Variants in THEMIS observed in about 807,000 individuals in gnomAD.
THEMIS encodes thymocyte selection associated.
Under a neutral mutation model 52.6 loss-of-function variants are expected in THEMIS, and 37 were observed. The observed-to-expected ratio is 0.70, with a 90% CI of 0.54 to 0.93. The LOEUF is 0.93. THEMIS is among the 40% of genes least tolerant of loss of function. THEMIS has a pLI of 0.00. For synonymous variants in THEMIS, 292 were observed against 272.7 expected (o/e 1.07, Z -0.70); for missense variants, 808 against 763.1 (o/e 1.06, Z -0.69).
the THEMIS span, among the ~76,000 whole-genome samples, chr6:127,700,564 G>A: frequency 2.0e-5 from 3 of 151,892 alleles, no homozygotes; most frequent in Non-Finnish European, 4.4e-5. Flanking sequence ...ACATTTTAAG[G>A]AACATGCTGA....
chr6:127,785,183 CCTAAT>C (rs1178917894), intron 4 of THEMIS, among the ~76,000 whole-genome samples: 1 of 151,372 alleles, frequency 6.6e-6, no homozygotes, highest in African/African-American at 2.4e-5. Context: ...TGTCTACCTA[CCTAAT>C]CTATTATCTA....
At chr6:127,748,762 G>C (rs1339053538) in intron 4 of THEMIS, among the ~76,000 whole-genome samples, 1 of 151,946 alleles carries the variant, frequency 6.6e-6, no homozygotes, top group South Asian at 2.1e-4. Flanking sequence ...ACAAAACCTT[G>C]AGAAAGTCAC....
upstream of THEMIS, chr6:127,901,077 T>C: frequency 3.0e-6 from 2 of 670,860 alleles, no homozygotes; most frequent in Admixed American, 4.8e-5. Flanking sequence ...TGGGGTGGAG[T>C]AGCTCTATGT....
At chr6:127,895,611 C>A (rs985727047) in intron 1 of THEMIS, among the ~76,000 whole-genome samples, 1 of 151,330 alleles carries the variant, frequency 6.6e-6, no homozygotes, top group African/African-American at 2.4e-5. Flanking sequence ...TATAGAGACA[C>A]TTTTTTAAAC....
intron 3 of THEMIS, among the ~76,000 whole-genome samples, chr6:127,820,425 G>C: frequency 6.6e-6 from 1 of 152,040 alleles, no homozygotes; most frequent in East Asian, 1.9e-4. Flanking sequence ...TAATTAAAAA[G>C]AAATCCAGCA....
chr6:127,785,259 CTATT>C (rs1396562943), intron 4 of THEMIS, among the ~76,000 whole-genome samples: 4 of 141,726 alleles, frequency 2.8e-5, no homozygotes, highest in Admixed American at 1.4e-4. Flanking sequence ...TATCATCTAT[CTATT>C]TATCACCTAT....
chr6:127,824,209 C>T (rs1778429847), intron 3 of THEMIS, among the ~76,000 whole-genome samples: 1 of 152,124 alleles, frequency 6.6e-6, no homozygotes, highest in Non-Finnish European at 1.5e-5. Flanking sequence ...ATCTCAGAAC[C>T]TCCGAAACCA....
chr6:127,904,978 AT>A (rs1439073105), upstream of THEMIS, among the ~76,000 whole-genome samples: 6 of 151,894 alleles, frequency 4.0e-5, no homozygotes, highest in African/African-American at 1.5e-4. Flanking sequence ...CTATCTATCT[AT>A]CTCTGTGTCT....
intron 4 of THEMIS, among the ~76,000 whole-genome samples, chr6:127,808,049 C>T (rs1421417240): frequency 6.6e-6 from 1 of 152,140 alleles, no homozygotes; most frequent in Admixed American, 6.5e-5. Flanking sequence ...TGCTCTTTGC[C>T]TTAATGTCTC....
intron 4 of THEMIS, among the ~76,000 whole-genome samples, chr6:127,764,610 C>T (rs1583248517): frequency 6.6e-6 from 1 of 151,944 alleles, no homozygotes. Context: ...TAACATTGAT[C>T]CAAGACAGGT....
rs569170627 is a variant in THEMIS, at chr6:127,913,946, G to A, written c.-150+4482C>T. 2.5e-4 allele frequency among the ~76,000 whole-genome samples: 38 copies of A among 152,194 alleles called. No individual in the cohort carries two copies. The South Asian group carries it at 6.0e-3, about 24-fold the overall frequency. On this transcript the variant is annotated intron_variant, in intron 1 of 6. Coordinates refer to the THEMIS transcript ENST00000368250. Reference sequence around the variant, plus strand: ...GGAGGCCAAGTCTTATACAGGTTGAGAATTTATCTGATATGCTTGGGACAA... The same window carrying A: ...GGAGGCCAAGTCTTATACAGGTTGAAAATTTATCTGATATGCTTGGGACAA...
chr6:127,848,294 T>C (rs1779293181), intron 2 of THEMIS, among the ~76,000 whole-genome samples: 1 of 152,050 alleles, frequency 6.6e-6, no homozygotes, highest in Admixed American at 6.6e-5. Context: ...ATGGTGTATA[T>C]GTGCCACATT....
At chr6:127,754,926 T>G (rs1391011771) in intron 4 of THEMIS, among the ~76,000 whole-genome samples, 1 of 152,180 alleles carries the variant, frequency 6.6e-6, no homozygotes, top group Non-Finnish European at 1.5e-5. Context: ...TACAGAAGGT[T>G]GCATTTCTAG....
At chr6:127,879,848 G>A (rs1428544297) in intron 1 of THEMIS, among the ~76,000 whole-genome samples, 1 of 151,900 alleles carries the variant, frequency 6.6e-6, no homozygotes, top group Non-Finnish European at 1.5e-5. Context: ...CGGCTGCCTA[G>A]GCCACTTCCA....
At chr6:127,883,075 T>C (rs973736248) in intron 1 of THEMIS, among the ~76,000 whole-genome samples, 1 of 151,988 alleles carries the variant, frequency 6.6e-6, no homozygotes, top group Non-Finnish European at 1.5e-5. Context: ...CAATTAGTAA[T>C]GTTATTAAAA....
chr6:127,761,209 G>T (rs1297483249), intron 4 of THEMIS, among the ~76,000 whole-genome samples: 1 of 152,060 alleles, frequency 6.6e-6, no homozygotes. Context: ...AAAGCCAAGT[G>T]TTGGCAAGGA....
intron 4 of THEMIS, among the ~76,000 whole-genome samples, chr6:127,735,024 T>A (rs1774954090): frequency 6.7e-6 from 1 of 150,110 alleles, no homozygotes; most frequent in South Asian, 2.1e-4. Flanking sequence ...TATTGTTTCT[T>A]AAATAATCTC....
chr6:127,756,775 A>G (rs893395647), intron 4 of THEMIS, among the ~76,000 whole-genome samples: 8 of 152,244 alleles, frequency 5.3e-5, no homozygotes, highest in African/African-American at 1.9e-4. Context: ...CTAGTTTGCC[A>G]GCCAATTATT....
At chr6:127,837,378 A>G (rs1778906983) in intron 2 of THEMIS, among the ~76,000 whole-genome samples, 2 of 152,078 alleles carry the variant, frequency 1.3e-5, no homozygotes. Flanking sequence ...GAGAAAAACA[A>G]TATTAACACT....
Sources: allele counts gnomAD v4.1 joint callset (sites outside exome capture counted in the v4.1 genomes callset), GRCh38; gene constraint gnomAD v4.1.1; transcripts MANE v1.5; gene names NCBI Gene and HGNC (gene_info 2026-07-23, HGNC 2026-07-21).